Variants in FERMT1 observed in about 807,000 individuals in gnomAD.
The protein encoded by FERMT1 is FERM domain containing kindlin 1.
Under a neutral mutation model 85.3 loss-of-function variants are expected in FERMT1, and 60 were observed. The ratio of observed to expected loss-of-function variants is 0.70; its 90% CI spans 0.57 to 0.87. The LOEUF is 0.87. Among genes scored for constraint, FERMT1 ranks in the 40% least tolerant of loss-of-function variants. FERMT1 has a pLI of 0.00. For missense variants in FERMT1, 701 were observed against 818.9 expected, an observed-to-expected ratio of 0.86 and a Z score of 1.76; for synonymous variants, 275 against 301.1, an observed-to-expected ratio of 0.91 and a Z score of 0.90.
chr20:6,109,347 G>C (rs999474586), intron 5 of FERMT1, among the ~76,000 whole-genome samples: 4 of 152,200 alleles, frequency 2.6e-5, no homozygotes, highest in African/African-American at 9.7e-5. Context: ...GTTGGTAAAG[G>C]GGAATGGTCC....
intron 9 of FERMT1, among the ~76,000 whole-genome samples, chr20:6,091,930 C>G (rs964651617): frequency 7.2e-6 from 1 of 138,042 alleles, no homozygotes; most frequent in East Asian, 2.5e-4. Context: ...TCCAGGCTCT[C>G]GTTAGAATTT....
intron 9 of FERMT1, 31 bp downstream of exon 9, chr20:6,094,908 T>C (rs1982460809): frequency 2.5e-6 from 3 of 1,216,068 alleles, no homozygotes; most frequent in Non-Finnish European, 3.7e-6. Context: ...TTGTTATGAG[T>C]AACTCCTTTT....
chr20:6,085,020 A>G (rs56131723), intron 12 of FERMT1, 46 bp downstream of exon 12: 2 of 1,541,306 alleles, frequency 1.3e-6, no homozygotes, highest in South Asian at 1.1e-5. Flanking sequence ...TTCTGTTTGC[A>G]TAAAGAATTT....
At chr20:6,077,495 C>A in intron 14 of FERMT1, 149 bp from the exon 15 acceptor site, 1 of 751,248 alleles carries the variant, frequency 1.3e-6, no homozygotes, top group Non-Finnish European at 2.2e-6. Flanking sequence ...CCATCACTTC[C>A]ATTAAACGCT....
intron 6 of FERMT1, among the ~76,000 whole-genome samples, chr20:6,103,904 C>T (rs1982729950): frequency 6.7e-6 from 1 of 150,138 alleles, no homozygotes; most frequent in Non-Finnish European, 1.5e-5. Context: ...GAGTTTTGCT[C>T]TCATTGCCCA....
chr20:6,095,871 A>AT (rs1982486013), intron 8 of FERMT1, among the ~76,000 whole-genome samples: 1 of 152,248 alleles, frequency 6.6e-6, no homozygotes, highest in African/African-American at 2.4e-5. Flanking sequence ...GCAGAAGAAT[A>AT]TAGTAACTAA....
intron 6 of FERMT1, among the ~76,000 whole-genome samples, chr20:6,103,843 C>T (rs1382442954): frequency 8.1e-6 from 1 of 123,080 alleles, no homozygotes; most frequent in Non-Finnish European, 1.7e-5. Context: ...CTGGATTCTT[C>T]ATTTTTTGAG....
chr20:6,086,016 C>T (rs555733846), intron 11 of FERMT1, among the ~76,000 whole-genome samples: 180 of 152,022 alleles, frequency 1.2e-3, no homozygotes, highest in African/African-American at 4.3e-3. Flanking sequence ...GTGGCAGGCA[C>T]TTGTAGTCCC....
chr20:6,110,502 C>T lies in FERMT1; in HGVS notation c.542G>A (p.Gly181Asp), dbSNP rs1267110744. 1 of 1,613,716 alleles carries T rather than the reference C, an allele frequency of 6.2e-7. No individual in the cohort carries two copies. Among genetic ancestry groups the T allele is most frequent in the Non-Finnish European group, 8.5e-7 (1 of 1,179,678 alleles). Residue 181 changes from glycine (G) to aspartate (D), a missense_variant, in exon 5 of 15, where the codon GGT (glycine) becomes GAT (aspartate). Physicochemically the swap from Gly to Asp is moderately conservative, Grantham distance 94. Coordinates refer to ENST00000217289, the MANE Select transcript of FERMT1 (RefSeq NM_017671.5). ...AGGGGTCATGGTTTTACTGTATAAACCAGGACTTACTGCAAGGCAGGGGGA... is the reference window on the plus strand; with the variant it reads ...AGGGGTCATGGTTTTACTGTATAAATCAGGACTTACTGCAAGGCAGGGGGA... ...PTASGSSVSPGLYSKTMTPIY... is the reference protein window; with the variant it reads ...PTASGSSVSPDLYSKTMTPIY...
chr20:6,077,457 T>G, intron 14 of FERMT1, 111 bp from the exon 15 acceptor site: 1 of 947,574 alleles, frequency 1.1e-6, no homozygotes, highest in East Asian at 2.6e-5. Flanking sequence ...GGATAACAGA[T>G]GGATATCCCT....
intron 13 of FERMT1, among the ~76,000 whole-genome samples, chr20:6,083,674 C>A (rs1171727465): frequency 3.4e-5 from 5 of 147,246 alleles, no homozygotes; most frequent in African/African-American, 1.3e-4. Flanking sequence ...CCCGGCCACC[C>A]TCCCCACACC....
At chr20:6,095,618 A>C (rs187201604) in intron 8 of FERMT1, among the ~76,000 whole-genome samples, 3 of 152,332 alleles carry the variant, frequency 2.0e-5, no homozygotes, top group African/African-American at 7.2e-5. Flanking sequence ...AAAACTATTA[A>C]GGGAGGGAGG....
At chr20:6,078,352 G>T (rs143538123) in intron 14 of FERMT1, among the ~76,000 whole-genome samples, 1 of 152,304 alleles carries the variant, frequency 6.6e-6, no homozygotes, top group African/African-American at 2.4e-5. Flanking sequence ...AGGAAGTCAG[G>T]GTTCTTAACA....
At chr20:6,112,713 T>A (rs1982988855) in intron 3 of FERMT1, 90 bp from the exon 4 acceptor site, 1 of 968,186 alleles carries the variant, frequency 1.0e-6, no homozygotes, top group South Asian at 1.7e-5. Flanking sequence ...TAAAATCATT[T>A]CTCAGGAAAT....
Position 6,085,121 on chromosome 20 carries a change from A to T in FERMT1, c.1538T>A (p.Met513Lys). The T allele has an allele frequency of 6.2e-7, 1 of 1,614,190 alleles. No individual in the cohort carries two copies. Among genetic ancestry groups the T allele is most frequent in the Non-Finnish European group, 8.5e-7 (1 of 1,180,034 alleles). ...TGGTGACACAAAACATTCTGGGTTC[A>T]TATCCATGTTTTCGAGACTGGAAGC... ...QVASSLENMD[M>K]NPECFVSPRC... The change falls in exon 12 of 15, where the codon ATG (methionine) becomes AAG (lysine). Residue 513 changes from methionine to lysine, a missense_variant. By Grantham distance (95) the Met-to-Lys change is moderately conservative. Transcript: ENST00000217289.
intron 3 of FERMT1, among the ~76,000 whole-genome samples, chr20:6,113,122 T>C (rs566769379): frequency 3.3e-4 from 50 of 152,278 alleles, no homozygotes; most frequent in Admixed American, 5.9e-4. Flanking sequence ...CCTGTGCTGT[T>C]CTCATGATAG....
rs1410061532 is a variant in FERMT1 at position 6,097,039 on chromosome 20, A to C, written c.958-6T>G. Reference sequence around the variant, plus strand: ...GACAGTTTGCTAATGTGGTACTAAAATGAAAACAGACGTTTTAGAAATGTT... The same window carrying C: ...GACAGTTTGCTAATGTGGTACTAAACTGAAAACAGACGTTTTAGAAATGTT... On this transcript the variant is annotated splice_region_variant and splice_polypyrimidine_tract_variant and intron_variant, in intron 7 of 14. Transcript: ENST00000217289. The C allele has an allele frequency of 6.2e-7, 1 of 1,613,174 alleles. No individual in the cohort carries two copies. Among genetic ancestry groups the C allele is most frequent in the Non-Finnish European group, 8.5e-7 (1 of 1,179,220 alleles).
intron 14 of FERMT1, among the ~76,000 whole-genome samples, chr20:6,078,647 T>G (rs1412879569): frequency 0.021 from 2,600 of 124,384 alleles, 64 homozygotes; most frequent in African/African-American, 0.072. Context: ...TTTTTTTTTG[T>G]TTTTTTTTTT....
At chr20:6,107,971 T>G (rs139449263) in intron 5 of FERMT1, among the ~76,000 whole-genome samples, 4,105 of 152,278 alleles carry the variant, frequency 0.027, 186 homozygotes, top group African/African-American at 0.095. Context: ...GTTCAAGCGA[T>G]TCTCTTGCCT....
Sources: gnomAD v4.1 joint callset for allele counts (sites outside exome capture counted in the v4.1 genomes callset) on GRCh38, gnomAD v4.1.1 for gene constraint, MANE v1.5 for transcripts, NCBI Gene and HGNC (gene_info 2026-07-23, HGNC 2026-07-21) for gene names.